Variants in ANO1 observed in about 807,000 individuals in gnomAD.
ANO1 encodes the protein anoctamin 1.
ANO1 carries 59 observed loss-of-function variants against 124.0 expected under a neutral mutation model. The observed-to-expected ratio is 0.48, with a 90% CI of 0.39 to 0.59. ANO1 has a LOEUF of 0.59. Among genes scored for constraint, ANO1 ranks in the 20% least tolerant of loss-of-function variants. ANO1 has a pLI of 0.00. For missense variants in ANO1, 1,059 were observed against 1,328.0 expected (o/e 0.80, Z 3.15); for synonymous variants, 529 against 532.0 (o/e 0.99, Z 0.08).
intron 1 of ANO1, among the ~76,000 whole-genome samples, chr11:69,992,947 T>C (rs186868971): frequency 2.6e-5 from 4 of 152,308 alleles, no homozygotes; most frequent in Admixed American, 2.6e-4. Flanking sequence ...GTTTCATCTA[T>C]TTAGCCCTGG....
chr11:70,117,950 C>T (rs2509143), intron 8 of ANO1, among the ~76,000 whole-genome samples: 3,940 of 152,276 alleles, frequency 0.026, 178 homozygotes, highest in African/African-American at 0.091. Flanking sequence ...CATCTGGCAT[C>T]GTCTGGGACC....
intron 1 of ANO1, among the ~76,000 whole-genome samples, chr11:69,995,596 T>A (rs536704622): frequency 6.6e-6 from 1 of 152,336 alleles, no homozygotes; most frequent in Admixed American, 6.5e-5. Context: ...GAAGTGCTGG[T>A]CAGGTCTTTT....
At chr11:69,984,378 ACTGAAACGAG>A (rs1855988123), upstream of ANO1, among the ~76,000 whole-genome samples, 1 of 151,672 alleles carries the variant, frequency 6.6e-6, no homozygotes, top group Non-Finnish European at 1.5e-5. Context: ...TTGAGTCCGG[ACTGAAACGAG>A]ATCATTTCTG....
chr11:70,097,000 G>C (rs1242964951), intron 2 of ANO1, among the ~76,000 whole-genome samples: 1 of 152,128 alleles, frequency 6.6e-6, no homozygotes, highest in Non-Finnish European at 1.5e-5. Context: ...GCTGTTTCAG[G>C]TCATTGAATT....
intron 1 of ANO1, among the ~76,000 whole-genome samples, chr11:70,080,391 T>A (rs574936369): frequency 6.6e-6 from 1 of 152,272 alleles, no homozygotes; most frequent in East Asian, 1.9e-4. Flanking sequence ...CCATAATGGG[T>A]AGGGACTGAG....
chr11:70,000,775 T>A (rs7112673), intron 1 of ANO1, among the ~76,000 whole-genome samples: 14 of 151,924 alleles, frequency 9.2e-5, no homozygotes, highest in Admixed American at 7.2e-4. Context: ...ACTCAGACAC[T>A]AGGATGGATG....
chr11:69,982,745 G>A (rs1452651351), upstream of ANO1, among the ~76,000 whole-genome samples: 3 of 152,178 alleles, frequency 2.0e-5, no homozygotes, highest in East Asian at 1.9e-4. Flanking sequence ...CAGGCTGGAG[G>A]CTGGACCTGG....
intron 10 of ANO1, among the ~76,000 whole-genome samples, chr11:70,128,894 T>A (rs956364346): frequency 6.6e-6 from 1 of 152,230 alleles, no homozygotes; most frequent in African/African-American, 2.4e-5. Context: ...GCGGTAGGGC[T>A]CATGGGCAGG....
intron 7 of ANO1, among the ~76,000 whole-genome samples, chr11:70,114,517 T>C (rs1021837125): frequency 6.6e-6 from 1 of 152,176 alleles, no homozygotes; most frequent in Non-Finnish European, 1.5e-5. Flanking sequence ...ACATTTTTGC[T>C]TCCATCTTCC....
In ANO1 at chr11:70,018,916, C is replaced by T. The variant is rs191148174; in HGVS notation, c.58+32750C>T. ...GGACATGGCCAAAAATAGGCAGCCTCAGTCTCAGCTGCAGAGGAGCTTCCT... is the reference window on the plus strand; with the variant it reads ...GGACATGGCCAAAAATAGGCAGCCTTAGTCTCAGCTGCAGAGGAGCTTCCT... On this transcript the variant is annotated intron_variant, in intron 1 of 27. Transcript: ENST00000531349. 9.2e-5 allele frequency among the ~76,000 whole-genome samples: 14 copies of T among 152,330 alleles called. 1 individual carries two copies. The highest frequency in any genetic ancestry group is 7.2e-4 in the Admixed American group (11 of 15,308).
intron 1 of ANO1, among the ~76,000 whole-genome samples, chr11:70,040,362 G>A (rs1857164719): frequency 6.6e-6 from 1 of 152,116 alleles, no homozygotes; most frequent in African/African-American, 2.4e-5. Flanking sequence ...CAGACGAGAA[G>A]GTATGCTGAC....
chr11:69,967,553 G>A, the ANO1 span, among the ~76,000 whole-genome samples: 220 of 152,360 alleles, frequency 1.4e-3, no homozygotes, highest in African/African-American at 4.8e-3. Context: ...ATCAGTAAGC[G>A]GGGCTGATAA....
At chr11:69,981,735 C>T (rs546163570), upstream of ANO1, among the ~76,000 whole-genome samples, 2 of 152,360 alleles carry the variant, frequency 1.3e-5, no homozygotes, top group East Asian at 1.9e-4. Context: ...CCCCTGCAGG[C>T]GCCTTTGTGG....
chr11:70,142,529 G>A (rs1044458807), intron 11 of ANO1, among the ~76,000 whole-genome samples: 127 of 151,814 alleles, frequency 8.4e-4, no homozygotes, highest in African/African-American at 2.8e-3. Context: ...CCCTGCCCCC[G>A]CCCCGCCACT....
Position 70,170,989 on chromosome 11 carries a change from A to T in ANO1, c.2300A>T (p.Lys767Met). The T allele has an allele frequency of 6.2e-7, 1 of 1,612,914 alleles. No individual in the cohort carries two copies. Among genetic ancestry groups the T allele is most frequent in the Non-Finnish European group, 8.5e-7 (1 of 1,179,476 alleles). ...ATCGAGATCCGCCTGGACGCCAAAA[A>T]GTTTGTCACTGAGCTCCGAAGGCCG... Reference protein sequence around the residue: ...NIIEIRLDAKKFVTELRRPVA... With the variant: ...NIIEIRLDAKMFVTELRRPVA... The change falls in exon 22 of 26, where the codon AAG becomes ATG. Residue 767 changes from lysine to methionine, a missense_variant. Around this residue, in one of 2 missense-constraint regions of ANO1, gnomAD observed 809 missense variants for 1,094.9 expected, o/e 0.74. Transcript: ENST00000355303.
the ANO1 span, among the ~76,000 whole-genome samples, chr11:69,971,225 C>G: frequency 6.6e-6 from 1 of 152,192 alleles, no homozygotes. Flanking sequence ...TCAGTTTCCT[C>G]ATCTGTAAAA....
intron 1 of ANO1, among the ~76,000 whole-genome samples, chr11:70,066,587 T>G (rs782650037): frequency 6.6e-6 from 1 of 151,906 alleles, no homozygotes; most frequent in Admixed American, 6.6e-5. Flanking sequence ...CTGCAATGTG[T>G]TGAGGGCACA....
At chr11:70,055,050 G>A (rs1365248831) in intron 1 of ANO1, among the ~76,000 whole-genome samples, 1 of 152,054 alleles carries the variant, frequency 6.6e-6, no homozygotes, top group Non-Finnish European at 1.5e-5. Flanking sequence ...ATTTCCAAAC[G>A]CTGAGTTTTT....
chr11:70,071,056 G>T (rs981124557), intron 1 of ANO1, among the ~76,000 whole-genome samples: 1 of 152,198 alleles, frequency 6.6e-6, no homozygotes, highest in Non-Finnish European at 1.5e-5. Context: ...GCCCCTGGGT[G>T]TCCTCCTGGA....
Sources: allele counts gnomAD v4.1 joint callset (sites outside exome capture counted in the v4.1 genomes callset), GRCh38; gene constraint gnomAD v4.1.1; regional missense constraint gnomAD v4.1.1; transcripts MANE v1.5; gene names NCBI Gene and HGNC (gene_info 2026-07-23, HGNC 2026-07-21).